Variants in CDH23 observed in about 807,000 individuals in gnomAD.
CDH23 encodes the protein cadherin related 23, also known as cadherin-23.
In CDH23, 189 loss-of-function variants were observed where a neutral mutation model predicts 317.1. That is an observed-to-expected ratio of 0.60 (90% CI 0.53 to 0.67). The LOEUF (loss-of-function observed/expected upper bound fraction) is 0.67. CDH23 is among the 30% of genes least tolerant of loss of function. The probability of loss-of-function intolerance (pLI) is 0.00; values close to 1 mark genes in which losing one functional copy is unlikely to be tolerated. For synonymous variants in CDH23, 1,839 were observed against 1,876.8 expected (o/e 0.98, Z 0.52); for missense variants, 4,401 against 4,592.4 (o/e 0.96, Z 1.20).
chr10:71,595,692 C>A (rs753555765), intron 9 of CDH23, among the ~76,000 whole-genome samples: 33 of 152,348 alleles, frequency 2.2e-4, no homozygotes, highest in Middle Eastern at 3.4e-3. Flanking sequence ...CAGGGGCCTT[C>A]CCCTGTCATC....
chr10:71,643,351 C>G (rs539640008), intron 11 of CDH23, among the ~76,000 whole-genome samples: 1 of 152,254 alleles, frequency 6.6e-6, no homozygotes, highest in Non-Finnish European at 1.5e-5. Context: ...TTTTTAACTT[C>G]TGGAAAATTT....
At chr10:71,482,613 T>A (rs576865369) in intron 3 of CDH23, among the ~76,000 whole-genome samples, 13 of 152,294 alleles carry the variant, frequency 8.5e-5, no homozygotes, top group Admixed American at 6.5e-4. Flanking sequence ...GTGGGGGCAC[T>A]GGACTGCTGG....
At chr10:71,602,827 A>C (rs1860308508) in intron 9 of CDH23, among the ~76,000 whole-genome samples, 1 of 152,184 alleles carries the variant, frequency 6.6e-6, no homozygotes. Flanking sequence ...ACCTCTAAAC[A>C]GCCCTGTGAG....
chr10:71,408,703 C>T (rs1341677358), intron 1 of CDH23, among the ~76,000 whole-genome samples: 2 of 152,182 alleles, frequency 1.3e-5, no homozygotes, highest in East Asian at 1.9e-4. Flanking sequence ...ATGAATAATA[C>T]AGCGGGAGAG....
intron 41 of CDH23, 142 bp downstream of exon 41, chr10:71,779,589 A>T: frequency 1.6e-6 from 1 of 609,526 alleles, no homozygotes; most frequent in East Asian, 2.8e-5. Context: ...CCCATCTATG[A>T]CAATGATGGA....
intron 1 of CDH23, among the ~76,000 whole-genome samples, chr10:71,403,160 A>T (rs879631256): frequency 1.3e-5 from 2 of 152,014 alleles, no homozygotes; most frequent in African/African-American, 4.8e-5. Flanking sequence ...CCAAAAAAAA[A>T]CAAATCCAGC....
intron 31 of CDH23, among the ~76,000 whole-genome samples, chr10:71,731,424 C>T (rs1839381459): frequency 6.6e-6 from 1 of 152,220 alleles, no homozygotes; most frequent in East Asian, 1.9e-4. Context: ...GTTTAGGGCA[C>T]ATACGCGGCT....
chr10:71,745,144 C>A (rs7922948), intron 38 of CDH23, among the ~76,000 whole-genome samples: 117,373 of 152,176 alleles, frequency 0.77, 45,353 homozygotes, highest in East Asian at 0.81. Flanking sequence ...CTGGAGATAC[C>A]GAAATGAAGA....
In CDH23 at chr10:71,510,292, G is replaced by A. The variant is rs2297954; in HGVS notation, c.288+68G>A. ...CAGGAGGAGACACTGGGGGAAGGAC[G>A]GCCCGCCATCTTTTGGCGTCTTCCT... is the stretch of plus-strand genomic sequence containing the variant. On this transcript the variant is annotated intron_variant, in intron 4 of 69. Transcript: ENST00000224721. 63 of 1,557,860 alleles carry A rather than the reference G, an allele frequency of 4.0e-5. No individual in the cohort carries two copies. The East Asian group carries it at 4.7e-4, about 12-fold the overall frequency.
At chr10:71,782,919 G>A (rs1270740225) in intron 41 of CDH23, among the ~76,000 whole-genome samples, 1 of 152,228 alleles carries the variant, frequency 6.6e-6, no homozygotes, top group East Asian at 1.9e-4. Context: ...GAGAGGGGCT[G>A]TTTTTGTACA....
intron 14 of CDH23, among the ~76,000 whole-genome samples, chr10:71,667,395 T>TGTGTGTGTGTGTGTGTGTGC (rs776161347): frequency 7.2e-6 from 1 of 138,680 alleles, no homozygotes; most frequent in African/African-American, 2.9e-5. Context: ...TGTGTGTGTG[T>TGTGTGTGTGTGTGTGTGTGC]GCGCGTGTGT....
At position 71,482,425 on chromosome 10, in the gene CDH23, T is replaced by C. The variant is rs142660037; in HGVS notation, c.146-27657T>C. 6.2e-3 allele frequency among the ~76,000 whole-genome samples: 947 copies of C among 152,348 alleles called. 8 individuals carry two copies. Among genetic ancestry groups the C allele is most frequent in the Non-Finnish European group, 9.5e-3 (649 of 68,028 alleles). On this transcript the variant is annotated intron_variant, in intron 3 of 69. Coordinates refer to ENST00000224721, the MANE Select transcript of CDH23 (RefSeq NM_022124.6). ...CCAACAAAGATACCTCTCTATCTTC[T>C]TCTTCTTAGCATAGGACTGCTTTAA... is the stretch of plus-strand genomic sequence containing the variant.
rs1339583840 is a variant in CDH23 at position 71,805,790 on chromosome 10, C to T, written c.7873-16C>T. On this transcript the variant is annotated splice_polypyrimidine_tract_variant and intron_variant, in intron 55 of 69. Transcript: ENST00000224721. ...TTTCAGGGGTCCAGGAGCCTTCCTC[C>T]CCATGCTCCCCACAGGAGATCCCGC... is the stretch of plus-strand genomic sequence containing the variant. The T allele has an allele frequency of 1.9e-6, 3 of 1,604,494 alleles. No homozygotes were observed. Among genetic ancestry groups the T allele is most frequent in the African/African-American group, 2.7e-5 (2 of 74,740 alleles).
chr10:71,444,114 T>G (rs1024996000), intron 2 of CDH23, among the ~76,000 whole-genome samples: 1 of 152,250 alleles, frequency 6.6e-6, no homozygotes, highest in Non-Finnish European at 1.5e-5. Flanking sequence ...TCCTGTATCC[T>G]GAGCCCAAGG....
intron 9 of CDH23, among the ~76,000 whole-genome samples, chr10:71,602,781 G>T (rs1860306150): frequency 6.6e-6 from 1 of 152,162 alleles, no homozygotes; most frequent in African/African-American, 2.4e-5. Context: ...GCACTTTACA[G>T]TTTGTAAAGC....
rs1175142882 is a variant in CDH23 at position 71,807,578 on chromosome 10, C to G, written c.8371C>G (p.Leu2791Val). Residue 2791 changes from leucine to valine, a missense_variant, in exon 59 of 70, where the codon CTG becomes GTG. Coordinates refer to ENST00000224721, the MANE Select transcript of CDH23 (RefSeq NM_022124.6). ...PDGCLLVLRD[L>V]DREREAIFSF... ...TGGGTGTCTGCTGGTGCTGCGGGAC[C>G]TGGACCGGGAGCGAGAAGCCATCTT... 9 of 1,613,900 alleles carry G rather than the reference C, an allele frequency of 5.6e-6. No homozygotes were observed. The African/African-American group carries it at 1.2e-4, about 22-fold the overall frequency.
intron 11 of CDH23, among the ~76,000 whole-genome samples, chr10:71,643,409 A>G (rs892121737): frequency 6.6e-6 from 1 of 152,184 alleles, no homozygotes; most frequent in African/African-American, 2.4e-5. Flanking sequence ...TGTTAGGAAA[A>G]TAAAAACATG....
chr10:71,576,803 T>C (rs1245290186), intron 8 of CDH23, among the ~76,000 whole-genome samples: 2 of 152,192 alleles, frequency 1.3e-5, no homozygotes, highest in African/African-American at 4.8e-5. Context: ...GGCGGTGACC[T>C]TCCACCCTAA....
At chr10:71,793,710 C>A in intron 48 of CDH23, 70 bp downstream of exon 48, 1 of 1,114,722 alleles carries the variant, frequency 9.0e-7, no homozygotes, top group East Asian at 2.6e-5. Flanking sequence ...CCTGCTTCCC[C>A]CTTCTTTCTC....
Sources: allele counts gnomAD v4.1 joint callset (sites outside exome capture counted in the v4.1 genomes callset), GRCh38; gene constraint gnomAD v4.1.1; transcripts MANE v1.5; gene names NCBI Gene and HGNC (gene_info 2026-07-23, HGNC 2026-07-21).